Variants in MLIP observed in about 807,000 individuals in gnomAD.
The protein encoded by MLIP is muscular LMNA interacting protein, also known as muscular LMNA-interacting protein.
Under a neutral mutation model 84.8 loss-of-function variants are expected in MLIP, and 79 were observed. The observed-to-expected ratio is 0.93, with a 90% CI of 0.78 to 1.12. The LOEUF is 1.12. MLIP is among the 50% of genes most tolerant of loss of function. The pLI is 0.00. For missense variants in MLIP, 1,257 were observed against 1,160.6 expected, an observed-to-expected ratio of 1.08 and a Z score of -1.21; for synonymous variants, 504 against 463.0, an observed-to-expected ratio of 1.09 and a Z score of -1.14.
At chr6:54,027,374 TACACACACACACAC>T (rs70980886) in intron 1 of MLIP, among the ~76,000 whole-genome samples, 11,447 of 148,434 alleles carry the variant, frequency 0.077, 741 homozygotes, top group African/African-American at 0.18. Context: ...ATAAAAAAAA[TACACACACACACAC>T]ACACACACAC....
chr6:54,146,995 A>G (rs1452370207), intron 4 of MLIP, among the ~76,000 whole-genome samples: 26 of 152,194 alleles, frequency 1.7e-4, no homozygotes. Context: ...ATAGTATAGT[A>G]TCTACCTAAT....
chr6:54,225,507 A>G (rs1780516139), intron 11 of MLIP, among the ~76,000 whole-genome samples: 1 of 152,208 alleles, frequency 6.6e-6, no homozygotes, highest in Admixed American at 6.5e-5. Context: ...GTTGTAGACT[A>G]TAGTAATGCA....
Position 54,174,835 on chromosome 6 carries a change from T to A in MLIP, c.2544+5263T>A, listed in dbSNP as rs540331334. 5.5e-4 allele frequency among the ~76,000 whole-genome samples: 83 copies of A among 152,120 alleles called. 2 individuals carry two copies. In the South Asian group the frequency reaches 0.017, roughly 30 times the overall value. On this transcript the variant is annotated intron_variant, in intron 9 of 13. Transcript: ENST00000502396. ...GAAATTTTTGCCCAGAAGAATGTCC[T>A]GGAAAGTTTTTCTGATGTTCTCTTG...
intron 1 of MLIP, among the ~76,000 whole-genome samples, chr6:54,096,131 T>C (rs937527365): frequency 6.6e-6 from 1 of 152,138 alleles, no homozygotes; most frequent in East Asian, 1.9e-4. Flanking sequence ...CTTTTTAAAT[T>C]TTTTGGTCAG....
chr6:54,104,820 T>G (rs1357376588), intron 1 of MLIP, among the ~76,000 whole-genome samples: 2 of 151,982 alleles, frequency 1.3e-5, no homozygotes, highest in Non-Finnish European at 2.9e-5. Flanking sequence ...ACACTGTGAG[T>G]GGGATGACAG....
At chr6:54,203,192 T>C (rs1185045222) in intron 11 of MLIP, among the ~76,000 whole-genome samples, 1 of 152,222 alleles carries the variant, frequency 6.6e-6, no homozygotes, top group Non-Finnish European at 1.5e-5. Context: ...TACACATTTA[T>C]GCAATATAAA....
At position 54,266,072 on chromosome 6, in the gene MLIP, T is replaced by G. The variant is rs1209583268; in HGVS notation, c.*117T>G. On this transcript the variant is annotated 3_prime_UTR_variant, in exon 14 of 14. Transcript: ENST00000502396. ...CAGAATGAGTGCTCCCTTTATGAGC[T>G]GCAGTGCAGCAGAACCAAAAAAAAA... 2.0e-6 allele frequency: 2 copies of G among 1,018,464 alleles called. No individual in the cohort carries two copies. Among genetic ancestry groups the G allele is most frequent in the Admixed American group, 4.3e-5 (2 of 46,318 alleles). The allele number at this position is 1,018,464 out of a possible 1,614,324, so 63.1% of individuals were successfully genotyped here. A position where few individuals can be genotyped will look rare whatever the true frequency, so the allele number is the denominator to read the frequency against.
chr6:54,158,898 T>C (rs1774327541), intron 5 of MLIP, among the ~76,000 whole-genome samples: 1 of 151,894 alleles, frequency 6.6e-6, no homozygotes, highest in Admixed American at 6.6e-5. Flanking sequence ...CAAAGGGAAA[T>C]GACAACCCCG....
rs77787648 is a variant in MLIP at position 54,241,017 on chromosome 6, C to T, written c.2922+10100C>T. 8.9e-3 allele frequency among the ~76,000 whole-genome samples: 1,348 copies of T among 152,006 alleles called. 7 individuals carry two copies. Among genetic ancestry groups the T allele is most frequent in the Non-Finnish European group, 0.016 (1,098 of 67,924 alleles). ...CAAAAGAAAAAAGCAGATTCCTAAG[C>T]CTACTTACAACTTAAAAAATTTAGA... On this transcript the variant is annotated intron_variant, in intron 12 of 13. Coordinates refer to ENST00000502396, the MANE Select transcript of MLIP (RefSeq NM_001281747.2).
chr6:54,137,205 C>T lies in MLIP; in HGVS notation c.1136C>T (p.Pro379Leu). ...CATTCACTCTCTCCGAGCCCCAAAC[C>T]ATTTACCTCCTCTTTCCACGGCTCT... ...VTHSLSPSPKPFTSSFHGSSS... is the reference protein window; with the variant it reads ...VTHSLSPSPKLFTSSFHGSSS... Residue 379 changes from proline (P) to leucine (L), a missense_variant, in exon 4 of 14, where the codon CCA becomes CTA. By Grantham distance (98) the Pro-to-Leu change is moderately conservative. Transcript: ENST00000502396. 6.5e-7 allele frequency: 1 copy of T among 1,536,100 alleles called. No individual in the cohort carries two copies.
chr6:54,078,327 A>C (rs1389196074), intron 1 of MLIP, among the ~76,000 whole-genome samples: 2 of 152,242 alleles, frequency 1.3e-5, no homozygotes, highest in Non-Finnish European at 2.9e-5. Flanking sequence ...ATGGTGGCTC[A>C]TGCTTGTAAT....
rs1354289613 is a variant in MLIP, at chr6:54,039,366, T to C, written c.63+20275T>C. ...TAAAATAACTGAAGAGGAATAAGTATGTTGGATTAAAATGGGTGAATGCTA... is the reference window on the plus strand; with the variant it reads ...TAAAATAACTGAAGAGGAATAAGTACGTTGGATTAAAATGGGTGAATGCTA... On this transcript the variant is annotated intron_variant, in intron 1 of 12. Coordinates refer to the MLIP transcript ENST00000274897. Among the ~76,000 whole-genome samples the C allele has an allele frequency of 3.3e-5, 5 of 151,924 alleles. 1 individual carries two copies.
At chr6:54,255,353 C>T (rs1782938866) in intron 12 of MLIP, among the ~76,000 whole-genome samples, 1 of 152,136 alleles carries the variant, frequency 6.6e-6, no homozygotes, top group South Asian at 2.1e-4. Context: ...CTAGTGCTCA[C>T]CTTACCAGGT....
At chr6:54,262,831 C>G (rs566072393) in intron 13 of MLIP, among the ~76,000 whole-genome samples, 1 of 152,030 alleles carries the variant, frequency 6.6e-6, no homozygotes, top group Non-Finnish European at 1.5e-5. Flanking sequence ...TTATGCTCAG[C>G]AGCAAGAATT....
chr6:54,124,514 A>G lies in MLIP; in HGVS notation c.294A>G (p.Gln98=), dbSNP rs376332800. Reference sequence around the variant, plus strand: ...ACTTGACCTTGAATGCTGGGAGCCAACAAGAGAGAGACCAAGCGAAATTGA... The same window carrying G: ...ACTTGACCTTGAATGCTGGGAGCCAGCAAGAGAGAGACCAAGCGAAATTGA... ...NDYLTLNAGS[Q]QERDQAKLTC... The change falls in exon 3 of 14, where the codon CAA becomes CAG. Residue 98 remains glutamine, a synonymous_variant. Transcript: ENST00000502396. 1.9e-6 allele frequency: 3 copies of G among 1,614,152 alleles called. No homozygotes were observed. The highest frequency in any genetic ancestry group is 2.2e-5 in the South Asian group (2 of 91,082).
At chr6:54,133,645 T>C (rs561118047) in intron 3 of MLIP, among the ~76,000 whole-genome samples, 2 of 152,294 alleles carry the variant, frequency 1.3e-5, no homozygotes, top group South Asian at 2.1e-4. Context: ...TTATTTTAGA[T>C]TTACAGGCAG....
chr6:54,211,257 G>A (rs772015571), intron 11 of MLIP, among the ~76,000 whole-genome samples: 2 of 152,108 alleles, frequency 1.3e-5, no homozygotes, highest in Admixed American at 6.5e-5. Flanking sequence ...ATAAAAATAA[G>A]GTTGGGAGGT....
At position 54,252,529 on chromosome 6, in the gene MLIP, A is replaced by T. The variant is rs1449805802; in HGVS notation, c.2923-4779A>T. On this transcript the variant is annotated intron_variant, in intron 12 of 13. Transcript: ENST00000502396. ...TATATTATAACATATAATATATAAT[A>T]TAGATAATGATAATAAATATAACCT... is the stretch of plus-strand genomic sequence containing the variant. Among the ~76,000 whole-genome samples, 6 of 144,480 alleles carry T rather than the reference A, an allele frequency of 4.2e-5. No individual in the cohort carries two copies. The East Asian group carries it at 1.2e-3, about 29-fold the overall frequency. 94.8% of individuals were successfully genotyped at this position (144,480 alleles called of 152,430 possible).
intron 1 of MLIP, among the ~76,000 whole-genome samples, chr6:54,116,933 T>G (rs1412811527): frequency 2.6e-5 from 4 of 152,210 alleles, no homozygotes; most frequent in African/African-American, 9.6e-5. Context: ...GCAAGGATGG[T>G]TCAACAAAAT....
Sources: allele counts gnomAD v4.1 joint callset (sites outside exome capture counted in the v4.1 genomes callset), GRCh38; gene constraint gnomAD v4.1.1; transcripts MANE v1.5; gene names NCBI Gene and HGNC (gene_info 2026-07-23, HGNC 2026-07-21).